Variants in SENP2 observed in about 807,000 individuals in gnomAD.
The protein encoded by SENP2 is sentrin-specific protease 2.
In SENP2, 16 loss-of-function variants were observed where a neutral mutation model predicts 86.3. That is an observed-to-expected ratio of 0.19 (90% CI 0.13 to 0.28). SENP2 has a LOEUF of 0.28. Among genes scored for constraint, SENP2 ranks in the 10% least tolerant of loss-of-function variants. SENP2 has a pLI of 1.00. For synonymous variants in SENP2, 222 were observed against 238.7 expected (o/e 0.93, Z 0.64); for missense variants, 552 against 703.0 (o/e 0.79, Z 2.43).
Position 185,624,041 on chromosome 3 carries a change from C to G in SENP2, c.1570C>G (p.Leu524Val). 1 of 1,612,854 alleles carries G rather than the reference C, an allele frequency of 6.2e-7. No individual in the cohort carries two copies. Among genetic ancestry groups the G allele is most frequent in the Non-Finnish European group, 8.5e-7 (1 of 1,179,386 alleles). ...AAGTAAGACCAAAAGAAATAGTGAT[C>G]TGAATCTTTTAGAGTGGACCCATCA... ...DESKTKRNSD[L>V]NLLEWTHHSM... The change falls in exon 15 of 17, where the codon CTG becomes GTG. Residue 524 changes from leucine (L) to valine (V), a missense_variant. By Grantham distance (32) the Leu-to-Val change is conservative. Transcript: ENST00000296257.
intron 13 of SENP2, among the ~76,000 whole-genome samples, 195 bp from the exon 14 acceptor site, chr3:185,621,631 G>C (rs1047771355): frequency 1.6e-4 from 24 of 151,644 alleles, no homozygotes; most frequent in Non-Finnish European, 2.9e-5. Flanking sequence ...CTCATGATCC[G>C]CCCGCCTCAG....
chr3:185,605,235 G>T (rs1722473616), intron 5 of SENP2, among the ~76,000 whole-genome samples: 1 of 151,682 alleles, frequency 6.6e-6, no homozygotes, highest in Non-Finnish European at 1.5e-5. Flanking sequence ...GCCGGGCGTG[G>T]TGGCAGGCGC....
chr3:185,591,383 G>A lies in SENP2; in HGVS notation c.157+1214G>A, dbSNP rs192964716. On this transcript the variant is annotated intron_variant, in intron 2 of 16. Transcript: ENST00000296257. Reference sequence around the variant, plus strand: ...TATTTATTTTTTGAGATGGAGTCTCGCTCTGTCACCCAGGCTGGAGTGTAG... The same window carrying A: ...TATTTATTTTTTGAGATGGAGTCTCACTCTGTCACCCAGGCTGGAGTGTAG... 1.2e-3 allele frequency among the ~76,000 whole-genome samples: 177 copies of A among 151,830 alleles called. 1 individual carries two copies. Among genetic ancestry groups the A allele is most frequent in the African/African-American group, 3.9e-3 (160 of 41,420 alleles).
At chr3:185,628,105 C>T (rs1291141796) in intron 16 of SENP2, among the ~76,000 whole-genome samples, 1 of 152,062 alleles carries the variant, frequency 6.6e-6, no homozygotes, top group Non-Finnish European at 1.5e-5. Context: ...TTTTAGCCCC[C>T]ACCCCTAGGG....
At chr3:185,622,068 C>T (rs1225926652) in intron 14 of SENP2, among the ~76,000 whole-genome samples, 163 bp downstream of exon 14, 2 of 152,126 alleles carry the variant, frequency 1.3e-5, no homozygotes, top group African/African-American at 4.8e-5. Context: ...ACTGAGAAAA[C>T]GTGTTTAGTA....
intron 14 of SENP2, 109 bp from the exon 15 acceptor site, chr3:185,623,889 T>A: frequency 2.2e-6 from 1 of 459,522 alleles, no homozygotes; most frequent in Non-Finnish European, 3.8e-6. Context: ...CTAATGAATA[T>A]GGATTTGAGA....
At chr3:185,599,083 A>G (rs1412228944) in intron 4 of SENP2, 59 bp downstream of exon 4, 2 of 1,231,580 alleles carry the variant, frequency 1.6e-6, no homozygotes, top group Non-Finnish European at 2.4e-6. Context: ...TTTTTTTCCT[A>G]CATTTTGAAA....
chr3:185,590,227 G>T, intron 2 of SENP2, 58 bp downstream of exon 2: 1 of 888,718 alleles, frequency 1.1e-6, no homozygotes, highest in South Asian at 1.8e-5. Context: ...TATATGCATG[G>T]AACAAAATTC....
intron 5 of SENP2, 60 bp downstream of exon 5, chr3:185,600,915 C>A (rs1220696710): frequency 8.6e-7 from 1 of 1,164,830 alleles, no homozygotes; most frequent in Non-Finnish European, 1.3e-6. Flanking sequence ...CTCACTCTTG[C>A]TAGGCAGTCT....
At chr3:185,609,401 G>GT (rs1722614121) in intron 7 of SENP2, 51 bp downstream of exon 7, 1 of 1,347,422 alleles carries the variant, frequency 7.4e-7, no homozygotes, top group African/African-American at 1.4e-5. Flanking sequence ...TTGTTTGTTT[G>GT]TTTTTGGAGA....
At position 185,629,872 on chromosome 3, in the gene SENP2, C is replaced by A. The variant is rs766136078; in HGVS notation, c.*28C>A. 1 of 1,608,978 alleles carries A rather than the reference C, an allele frequency of 6.2e-7. No homozygotes were observed. Among genetic ancestry groups the A allele is most frequent in the African/African-American group, 1.3e-5 (1 of 74,970 alleles). On this transcript the variant is annotated 3_prime_UTR_variant, in exon 17 of 17. Coordinates refer to ENST00000296257, the MANE Select transcript of SENP2 (RefSeq NM_021627.3). Reference sequence around the variant, plus strand: ...AAACTTTGCCTGGTCCCTCTAGCTGCTGGTGGTTCTTTCACAGACATTTCC... The same window carrying A: ...AAACTTTGCCTGGTCCCTCTAGCTGATGGTGGTTCTTTCACAGACATTTCC...
In SENP2 at chr3:185,614,699, G is replaced by C; in HGVS notation, c.1069G>C (p.Glu357Gln). ...AAAGGAAAAGAATTGCTCAGGCAAA[G>C]AGAGGGACAGAAGAACGGACGATCT... The part of the protein sequence containing the change: ...ETKEKNCSGK[E>Q]RDRRTDDLLE... Residue 357 changes from glutamate (E) to glutamine (Q), a missense_variant, in exon 11 of 17, where the codon GAG becomes CAG. Physicochemically the swap from Glu to Gln is conservative, Grantham distance 29 (BLOSUM62 2). This residue lies in a region of SENP2 where 383 missense variants were observed against 427.3 expected (regional missense o/e 0.90). Coordinates refer to ENST00000296257, the MANE Select transcript of SENP2 (RefSeq NM_021627.3). 2 of 1,614,226 alleles carry C rather than the reference G, an allele frequency of 1.2e-6. No individual in the cohort carries two copies. The highest frequency in any genetic ancestry group is 1.7e-6 in the Non-Finnish European group (2 of 1,180,038).
rs1244106134 is a variant in SENP2, at chr3:185,600,746, A to G, written c.359-19A>G. On this transcript the variant is annotated intron_variant, in intron 4 of 16. Transcript: ENST00000296257. ...AAGTGATTTTTCATTTTACAATTACAAATGCATTTTTTAAATAGGTAATAA... is the reference window on the plus strand; with the variant it reads ...AAGTGATTTTTCATTTTACAATTACGAATGCATTTTTTAAATAGGTAATAA... 2 of 1,485,496 alleles carry G rather than the reference A, an allele frequency of 1.3e-6. No homozygotes were observed. Among genetic ancestry groups the G allele is most frequent in the African/African-American group, 2.8e-5 (2 of 71,938 alleles). 92.0% of individuals were successfully genotyped at this position (1,485,496 alleles called of 1,614,324 possible).
chr3:185,592,913 G>A (rs1035340493), intron 2 of SENP2, among the ~76,000 whole-genome samples: 4 of 152,102 alleles, frequency 2.6e-5, no homozygotes, highest in African/African-American at 9.7e-5. Context: ...CACCGTGCCC[G>A]GCCTGGGTCT....
At chr3:185,617,419 T>C in intron 11 of SENP2, 61 bp from the exon 12 acceptor site, 1 of 1,462,210 alleles carries the variant, frequency 6.8e-7, no homozygotes, top group East Asian at 2.4e-5. Flanking sequence ...CTCGGAGTTT[T>C]CAATAACTGA....
chr3:185,609,393 G>A, intron 7 of SENP2, 43 bp downstream of exon 7: 1 of 1,411,730 alleles, frequency 7.1e-7, no homozygotes, highest in Non-Finnish European at 1.0e-6. Flanking sequence ...GGCATCTTTT[G>A]TTTGTTTGTT....
At position 185,621,230 on chromosome 3, in the gene SENP2, C is replaced by CAA. The variant is rs535814173; in HGVS notation, c.1447-581_1447-580dup. On this transcript the variant is annotated intron_variant, in intron 13 of 16. Transcript: ENST00000296257. Reference sequence around the variant, plus strand: ...AAGAAAGATACAGATATAAAGAAAGCAAAAAAAAAAAAAAAAGTCTCATCA... The same window carrying CAA: ...AAGAAAGATACAGATATAAAGAAAGCAAAAAAAAAAAAAAAAAAGTCTCATCA... Among the ~76,000 whole-genome samples the CAA allele has an allele frequency of 2.5e-3, 170 of 67,192 alleles. 3 individuals are homozygous for CAA. In the Middle Eastern group the frequency reaches 0.034, roughly 13 times the overall value. The allele number at this position is 67,192 out of a possible 152,430, so 44.1% of individuals were successfully genotyped here.
chr3:185,628,484 A>G (rs564388218), intron 16 of SENP2, among the ~76,000 whole-genome samples: 1 of 151,812 alleles, frequency 6.6e-6, no homozygotes, highest in Non-Finnish European at 1.5e-5. Flanking sequence ...ATAATGATAC[A>G]TCAGGAGTGC....
At chr3:185,613,973 A>C (rs1443219454) in intron 10 of SENP2, among the ~76,000 whole-genome samples, 1 of 152,114 alleles carries the variant, frequency 6.6e-6, no homozygotes, top group Admixed American at 6.6e-5. Flanking sequence ...TGTTACCTAC[A>C]TTTTATGGCT....
Sources: gnomAD v4.1 joint callset for allele counts (sites outside exome capture counted in the v4.1 genomes callset) on GRCh38, gnomAD v4.1.1 for gene constraint, gnomAD v4.1.1 regional missense constraint, MANE v1.5 for transcripts, NCBI Gene and HGNC (gene_info 2026-07-23, HGNC 2026-07-21) for gene names.